SLC26A8: variants seen among roughly 807,000 people sequenced by gnomAD.
SLC26A8 encodes the protein testis anion transporter 1.
SLC26A8 carries 70 observed loss-of-function variants against 105.0 expected under a neutral mutation model. That is an observed-to-expected ratio of 0.67 (90% CI 0.55 to 0.81). The LOEUF is 0.81. Ranked by LOEUF, SLC26A8 falls within the 40% of genes least tolerant of loss-of-function variation. The pLI is 0.00. For synonymous variants in SLC26A8, 415 were observed against 438.3 expected, an observed-to-expected ratio of 0.95 and a Z score of 0.66; for missense variants, 998 against 1,181.8, an observed-to-expected ratio of 0.84 and a Z score of 2.28.
At position 36,006,947 on chromosome 6, in the gene SLC26A8, A is replaced by T. The variant is rs1311145850; in HGVS notation, c.328+5286T>A. On this transcript the variant is annotated intron_variant, in intron 3 of 19. Transcript: ENST00000490799. ...TCACAAAATACAACATTGATTCATG[A>T]TAAATTTCTCAGCAAACTGGAGTAG... Among the ~76,000 whole-genome samples, 9 of 152,362 alleles carry T rather than the reference A, an allele frequency of 5.9e-5. No individual in the cohort carries two copies. In the South Asian group the frequency reaches 1.0e-3, roughly 18 times the overall value.
intron 16 of SLC26A8, among the ~76,000 whole-genome samples, chr6:35,958,639 C>T (rs1772189516): frequency 6.6e-6 from 1 of 152,100 alleles, no homozygotes; most frequent in Non-Finnish European, 1.5e-5. Context: ...TCAGTGGAAC[C>T]TATGCTCCAT....
intron 3 of SLC26A8, among the ~76,000 whole-genome samples, chr6:36,008,727 C>A (rs1449033021): frequency 6.6e-6 from 1 of 152,022 alleles, no homozygotes; most frequent in Non-Finnish European, 1.5e-5. Flanking sequence ...ACGAGAAGAG[C>A]CATTTTATGA....
rs371982043 is a variant in SLC26A8, at chr6:35,967,696, GA to G, written c.1365+1180del. 2.5e-4 allele frequency among the ~76,000 whole-genome samples: 38 copies of G among 152,266 alleles called. No individual in the cohort carries two copies. In the East Asian group the frequency reaches 7.3e-3, roughly 29 times the overall value. ...ACAAGGCCTTCTGGAAGCAGTGTAG[GA>G]AAACAGATGGCATGAATGCACAGTG... On this transcript the variant is annotated intron_variant, in intron 11 of 19. Transcript: ENST00000490799.
Position 35,959,725 on chromosome 6 carries a change from G to C in SLC26A8, c.1720C>G (p.Leu574Val). ...AGGAGGGCAGATACCTCTTTTAACA[G>C]CTTATGCTTTAGGTAGTAAACATTT... The part of the protein sequence containing the change: ...FVNVYYLKHK[L>V]LKEVDMVKVP... The change falls in exon 15 of 20, where the codon CTG (leucine) becomes GTG (valine). Residue 574 changes from leucine (L) to valine (V), a missense_variant. Physicochemically the swap from Leu to Val is conservative, Grantham distance 32. Transcript: ENST00000490799. The C allele has an allele frequency of 6.2e-7, 1 of 1,609,036 alleles. No homozygotes were observed. The highest frequency in any genetic ancestry group is 2.2e-5 in the East Asian group (1 of 44,740).
intron 10 of SLC26A8, among the ~76,000 whole-genome samples, chr6:35,972,366 T>C (rs558469479): frequency 1.9e-4 from 29 of 150,230 alleles, no homozygotes; most frequent in African/African-American, 6.9e-4. Context: ...GCCTGGAGTT[T>C]GGACAACATA....
In SLC26A8 at chr6:35,943,841, C is replaced by T. The variant is rs987415038; in HGVS notation, c.*59G>A. The T allele has an allele frequency of 1.9e-6, 3 of 1,575,244 alleles. No homozygotes were observed. Among genetic ancestry groups the T allele is most frequent in the Non-Finnish European group, 2.6e-6 (3 of 1,158,834 alleles). The stretch of plus-strand genomic sequence containing the variant: ...CAGTCTAGGTCTCTGGACAATTGAC[C>T]CCTTTTTGGGTAGGAGGATTTGCCA... On this transcript the variant is annotated 3_prime_UTR_variant, in exon 20 of 20. Coordinates refer to ENST00000490799, the MANE Select transcript of SLC26A8 (RefSeq NM_052961.4).
chr6:35,993,926 T>G (rs551003304), intron 5 of SLC26A8, among the ~76,000 whole-genome samples: 20 of 152,082 alleles, frequency 1.3e-4, no homozygotes, highest in Non-Finnish European at 2.6e-4. Flanking sequence ...CAATGAAGAC[T>G]TTTCAGTAAG....
intron 10 of SLC26A8, among the ~76,000 whole-genome samples, chr6:35,972,068 G>A (rs994146322): frequency 6.6e-6 from 1 of 152,162 alleles, no homozygotes; most frequent in Admixed American, 6.5e-5. Flanking sequence ...AGCCACTGGA[G>A]GGAAATGAGT....
Position 35,977,190 on chromosome 6 carries a change from A to G in SLC26A8, c.1173+14T>C. On this transcript the variant is annotated intron_variant, in intron 9 of 19. Transcript: ENST00000490799. ...CAAAGAGTTAAGGATCAGAGGAAGTAGTAGTCCTCTCACCTGGTTGGAATT... is the reference window on the plus strand; with the variant it reads ...CAAAGAGTTAAGGATCAGAGGAAGTGGTAGTCCTCTCACCTGGTTGGAATT... The G allele has an allele frequency of 1.2e-6, 2 of 1,609,586 alleles. No homozygotes were observed. Among genetic ancestry groups the G allele is most frequent in the Non-Finnish European group, 8.5e-7 (1 of 1,178,170 alleles).
Position 35,943,815 on chromosome 6 carries a change from C to T in SLC26A8, c.*85G>A. ...GGAAGGAAGTACTGCTAGTTCGTAT[C>T]CAGTCTAGGTCTCTGGACAATTGAC... On this transcript the variant is annotated 3_prime_UTR_variant, in exon 20 of 20. Coordinates refer to ENST00000490799, the MANE Select transcript of SLC26A8 (RefSeq NM_052961.4). 6.5e-7 allele frequency: 1 copy of T among 1,538,262 alleles called. No individual in the cohort carries two copies. The highest frequency in any genetic ancestry group is 2.3e-5 in the East Asian group (1 of 44,202).
intron 16 of SLC26A8, among the ~76,000 whole-genome samples, chr6:35,959,132 C>G: frequency 6.6e-6 from 1 of 152,242 alleles, no homozygotes; most frequent in South Asian, 2.1e-4. Flanking sequence ...AAAGCTTGGC[C>G]GCTAAGAGCC....
intron 16 of SLC26A8, among the ~76,000 whole-genome samples, chr6:35,957,426 CAGAAA>C (rs1172595650): frequency 2.0e-5 from 3 of 151,112 alleles, no homozygotes; most frequent in African/African-American, 7.3e-5. Context: ...TATTGTATAG[CAGAAA>C]AGAAAAGAAA....
chr6:35,988,275 T>C (rs1471261447), intron 7 of SLC26A8, among the ~76,000 whole-genome samples: 1 of 152,170 alleles, frequency 6.6e-6, no homozygotes, highest in Non-Finnish European at 1.5e-5. Flanking sequence ...TTGATGAAAA[T>C]ATCTTTATCA....
intron 8 of SLC26A8, among the ~76,000 whole-genome samples, chr6:35,979,578 C>G (rs73729645): frequency 0.041 from 6,286 of 152,226 alleles, 401 homozygotes; most frequent in African/African-American, 0.14. Flanking sequence ...AGGTATTTAA[C>G]TTATTATCAA....
chr6:35,949,200 G>A (rs1331926327), intron 19 of SLC26A8, among the ~76,000 whole-genome samples: 1 of 152,152 alleles, frequency 6.6e-6, no homozygotes, highest in Non-Finnish European at 1.5e-5. Flanking sequence ...TTGGGAGGCT[G>A]GGGCGGGTAG....
intron 3 of SLC26A8, among the ~76,000 whole-genome samples, chr6:36,002,895 G>T (rs752217152): frequency 6.6e-6 from 1 of 151,854 alleles, no homozygotes; most frequent in Non-Finnish European, 1.5e-5. Flanking sequence ...GTAGAGACGG[G>T]GTTTCACCAT....
rs1000524052 is a variant in SLC26A8, at chr6:35,943,746, G to A, written c.*154C>T. 23 of 1,099,318 alleles carry A rather than the reference G, an allele frequency of 2.1e-5. No individual in the cohort carries two copies. Among genetic ancestry groups the A allele is most frequent in the South Asian group, 8.4e-5 (5 of 59,350 alleles). The allele number at this position is 1,099,318 out of a possible 1,614,324, so 68.1% of individuals were successfully genotyped here. ...TGTGATTTGGGAGTATGATCCCAGC[G>A]CAGAGCAAGGAAGAAGGCTGGCAGG... On this transcript the variant is annotated 3_prime_UTR_variant, in exon 20 of 20. Transcript: ENST00000490799.
chr6:35,968,974 T>C lies in SLC26A8; in HGVS notation c.1288-20A>G. On this transcript the variant is annotated intron_variant, in intron 10 of 19. Transcript: ENST00000490799. ...TGCAAACTGAGGAGACAGAGCCAGT[T>C]GGAGAGAAACCATCAGGAACGTATT... 1 of 1,609,072 alleles carries C rather than the reference T, an allele frequency of 6.2e-7. No homozygotes were observed. Among genetic ancestry groups the C allele is most frequent in the Non-Finnish European group, 8.5e-7 (1 of 1,177,368 alleles).
chr6:35,964,424 A>G (rs985581681), intron 11 of SLC26A8, among the ~76,000 whole-genome samples: 5 of 152,150 alleles, frequency 3.3e-5, no homozygotes, highest in African/African-American at 1.2e-4. Context: ...AGGCAGGCGA[A>G]TCTCTTGAAG....
Sources: gnomAD v4.1 joint callset for allele counts (sites outside exome capture counted in the v4.1 genomes callset) on GRCh38, gnomAD v4.1.1 for gene constraint, MANE v1.5 for transcripts, NCBI Gene and HGNC (gene_info 2026-07-23, HGNC 2026-07-21) for gene names.